The following SMARCA2 variants were observed in gnomAD, a reference collection of about 807,000 sequenced individuals.
SMARCA2 encodes SWI/SNF related BAF chromatin remodeling complex subunit ATPase 2.
SMARCA2 carries 61 observed loss-of-function variants against 199.8 expected under a neutral mutation model. The ratio of observed to expected loss-of-function variants is 0.31; its 90% CI spans 0.25 to 0.38. SMARCA2 has a LOEUF of 0.38. Among genes scored for constraint, SMARCA2 ranks in the 10% least tolerant of loss-of-function variants. The pLI, the probability that SMARCA2 is intolerant of heterozygous loss-of-function variation, is 1.00. For missense variants in SMARCA2, 1,344 were observed against 2,012.2 expected, an observed-to-expected ratio of 0.67 and a Z score of 6.35; for synonymous variants, 935 against 732.0, an observed-to-expected ratio of 1.28 and a Z score of -4.48.
At chr9:2,040,996 C>G (rs1819581426) in intron 4 of SMARCA2, 2 of 190,488 alleles carry the variant, frequency 1.0e-5, no homozygotes, top group Non-Finnish European at 1.1e-5. Flanking sequence ...GACGTTGATA[C>G]CATTTCCTCT....
intron 28 of SMARCA2, among the ~76,000 whole-genome samples, chr9:2,168,036 T>C (rs1826024866): frequency 2.4e-5 from 2 of 82,282 alleles, no homozygotes; most frequent in Non-Finnish European, 5.0e-5. Flanking sequence ...TCTTTTTCTT[T>C]TTTTTTTTTT....
At chr9:2,133,442 C>T (rs1165983208) in intron 27 of SMARCA2, among the ~76,000 whole-genome samples, 3 of 151,956 alleles carry the variant, frequency 2.0e-5, no homozygotes, top group Non-Finnish European at 4.4e-5. Flanking sequence ...CCGCCACACC[C>T]AGCTAATTTT....
At chr9:2,087,927 G>A (rs557951068) in intron 18 of SMARCA2, among the ~76,000 whole-genome samples, 5 of 152,200 alleles carry the variant, frequency 3.3e-5, no homozygotes, top group South Asian at 4.2e-4. Flanking sequence ...AGAGAAAGCC[G>A]GGAAATGTAT....
rs1225642343 is a variant in SMARCA2 at position 2,016,762 on chromosome 9, T to C, written c.-37+1358T>C. On this transcript the variant is annotated intron_variant, in intron 1 of 33. Transcript: ENST00000349721. The surrounding 1 kb of genome is among the most constrained non-coding windows in gnomAD (Gnocchi z 5.6). ...GCACTCCTTCCTTCTCGCTCCCTGC[T>C]CAGGAGTTTGCTTTATTCCCATCCC... is the stretch of plus-strand genomic sequence containing the variant. 1.3e-5 allele frequency among the ~76,000 whole-genome samples: 2 copies of C among 152,140 alleles called. No homozygotes were observed. Among genetic ancestry groups the C allele is most frequent in the Non-Finnish European group, 2.9e-5 (2 of 68,000 alleles).
chr9:2,125,250 C>T (rs1313119253), intron 27 of SMARCA2, among the ~76,000 whole-genome samples: 2 of 152,154 alleles, frequency 1.3e-5, no homozygotes, highest in Non-Finnish European at 2.9e-5. Flanking sequence ...TAAAATAGAA[C>T]ATTTGTGTGA....
intron 1 of SMARCA2, among the ~76,000 whole-genome samples, chr9:2,019,331 T>TAATA (rs1818503112): frequency 6.6e-6 from 1 of 152,180 alleles, no homozygotes; most frequent in Admixed American, 6.5e-5. Context: ...CAGCCCAGCA[T>TAATA]CAGGACTAGG....
chr9:2,151,831 A>T (rs1436328662), intron 27 of SMARCA2, among the ~76,000 whole-genome samples: 2 of 152,194 alleles, frequency 1.3e-5, no homozygotes, highest in African/African-American at 4.8e-5. Flanking sequence ...ATATATTTTA[A>T]TTTAAATTGC....
At chr9:2,109,086 A>G (rs888378830) in intron 23 of SMARCA2, among the ~76,000 whole-genome samples, 2 of 152,192 alleles carry the variant, frequency 1.3e-5, no homozygotes, top group African/African-American at 4.8e-5. Flanking sequence ...CATGTTTGAG[A>G]ACTTGGCCCT....
intron 32 of SMARCA2, among the ~76,000 whole-genome samples, chr9:2,189,932 T>C (rs1308286644): frequency 6.6e-6 from 1 of 152,196 alleles, no homozygotes; most frequent in Non-Finnish European, 1.5e-5. Context: ...CTTCTGGAGC[T>C]AGGATTCCCT....
At chr9:2,033,194 A>G (rs1819152702) in intron 3 of SMARCA2, 113 bp downstream of exon 3, 3 of 1,206,708 alleles carry the variant, frequency 2.5e-6, no homozygotes, top group South Asian at 1.5e-5. Flanking sequence ...GGTTGAACCT[A>G]GTAGGTTTCT....
In SMARCA2 at chr9:2,056,135, A is replaced by G. The variant is rs539861374; in HGVS notation, c.1174-537A>G. ...ATAAAATGTAGATCTCTTGGAAAGAAGATCATTATTGGAGTGGGAAGAAGC... is the reference window on the plus strand; with the variant it reads ...ATAAAATGTAGATCTCTTGGAAAGAGGATCATTATTGGAGTGGGAAGAAGC... On this transcript the variant is annotated intron_variant, in intron 6 of 33. Coordinates refer to ENST00000349721, the MANE Select transcript of SMARCA2 (RefSeq NM_003070.5). The surrounding 1 kb of genome is among the most constrained non-coding windows in gnomAD (Gnocchi z 4.0). Among the ~76,000 whole-genome samples, 2 of 151,208 alleles carry G rather than the reference A, an allele frequency of 1.3e-5. No individual in the cohort carries two copies. The highest frequency in any genetic ancestry group is 3.9e-4 in the East Asian group (2 of 5,132).
At chr9:2,122,207 T>C (rs1020938111) in intron 26 of SMARCA2, among the ~76,000 whole-genome samples, 9 of 152,234 alleles carry the variant, frequency 5.9e-5, no homozygotes, top group African/African-American at 1.9e-4. Flanking sequence ...ATAATGTCCA[T>C]AGAAATGTAT....
intron 27 of SMARCA2, chr9:2,158,554 G>T (rs1489508053): frequency 6.0e-6 from 1 of 166,028 alleles, no homozygotes; most frequent in Non-Finnish European, 1.3e-5. Flanking sequence ...GAAACTGGGG[G>T]TTTGCTTCTG....
At chr9:2,146,547 G>T (rs538829644) in intron 27 of SMARCA2, among the ~76,000 whole-genome samples, 1 of 152,204 alleles carries the variant, frequency 6.6e-6, no homozygotes, top group East Asian at 1.9e-4. Flanking sequence ...CCCAAGAGAG[G>T]GTTCTTGAAT....
chr9:2,040,104 C>T (rs962110060), intron 4 of SMARCA2: 2 of 1,076,256 alleles, frequency 1.9e-6, no homozygotes, highest in Non-Finnish European at 2.6e-6. Flanking sequence ...GTTTCTTAAC[C>T]TTAAAAGGTG....
At chr9:2,024,481 ACT>A (rs1322554974) in intron 1 of SMARCA2, among the ~76,000 whole-genome samples, 2 of 152,136 alleles carry the variant, frequency 1.3e-5, no homozygotes, top group African/African-American at 4.8e-5. Context: ...CCTAGTAGAT[ACT>A]CGGTATGGTA....
chr9:2,127,191 T>A (rs1035959975), intron 27 of SMARCA2, among the ~76,000 whole-genome samples: 2 of 152,208 alleles, frequency 1.3e-5, no homozygotes, highest in African/African-American at 4.8e-5. Context: ...AGTCACAGTT[T>A]CCTAGTATTC....
At chr9:2,063,340 T>C (rs1820685142) in intron 9 of SMARCA2, among the ~76,000 whole-genome samples, 1 of 152,244 alleles carries the variant, frequency 6.6e-6, no homozygotes, top group African/African-American at 2.4e-5. Context: ...GAAGCTGATT[T>C]GACACTTTGG....
intron 27 of SMARCA2, among the ~76,000 whole-genome samples, chr9:2,147,193 G>C (rs918250737): frequency 7.4e-6 from 1 of 135,070 alleles, no homozygotes; most frequent in Non-Finnish European, 1.5e-5. Flanking sequence ...AAAAAGTACA[G>C]AATCGAGCTA....
Sources: allele counts gnomAD v4.1 joint callset (sites outside exome capture counted in the v4.1 genomes callset), GRCh38; gene constraint gnomAD v4.1.1; non-coding constraint Gnocchi (gnomAD v3.1); transcripts MANE v1.5; gene names NCBI Gene and HGNC (gene_info 2026-07-23, HGNC 2026-07-21).